The following ASIC2 variants were observed in gnomAD, a reference collection of about 807,000 sequenced individuals.
The protein encoded by ASIC2 is acid-sensing ion channel 2.
A neutral mutation model predicts 57.3 loss-of-function variants in ASIC2; 25 were observed. That is an observed-to-expected ratio of 0.44 (90% CI 0.32 to 0.61). ASIC2 has a LOEUF of 0.61. ASIC2 is among the 20% of genes least tolerant of loss of function. ASIC2 has a pLI of 0.06. For missense variants in ASIC2, 641 were observed against 738.1 expected, an observed-to-expected ratio of 0.87 and a Z score of 1.52; for synonymous variants, 319 against 307.5, an observed-to-expected ratio of 1.04 and a Z score of -0.39.
At chr17:33,717,150 C>G (rs553839779) in intron 1 of ASIC2, among the ~76,000 whole-genome samples, 33 of 152,218 alleles carry the variant, frequency 2.2e-4, no homozygotes, top group African/African-American at 7.5e-4. Context: ...ATTCACACTT[C>G]AAAAAATATG....
intron 1 of ASIC2, among the ~76,000 whole-genome samples, chr17:34,060,788 AACAAAG>A (rs1356532759): frequency 1.3e-5 from 2 of 152,184 alleles, no homozygotes; most frequent in Non-Finnish European, 2.9e-5. Flanking sequence ...AACCCATTTC[AACAAAG>A]ACAAAGAGAA....
chr17:34,000,304 T>A (rs1446904499), intron 1 of ASIC2, among the ~76,000 whole-genome samples: 1 of 148,352 alleles, frequency 6.7e-6, no homozygotes, highest in Non-Finnish European at 1.5e-5. Context: ...CAGGCTGGAG[T>A]GCAATGGTGC....
At chr17:34,116,746 T>C (rs989252542) in intron 1 of ASIC2, among the ~76,000 whole-genome samples, 21 of 152,298 alleles carry the variant, frequency 1.4e-4, no homozygotes, top group Admixed American at 3.3e-4. Context: ...GGGTAGCATT[T>C]CCCATGGCAT....
chr17:33,596,669 CT>C, intron 1 of ASIC2, among the ~76,000 whole-genome samples: 1 of 152,282 alleles, frequency 6.6e-6, no homozygotes, highest in East Asian at 1.9e-4. Flanking sequence ...ATTCTCCCTC[CT>C]TTTTTCTCTC....
chr17:33,142,137 T>G (rs1904341134), intron 1 of ASIC2, among the ~76,000 whole-genome samples: 1 of 152,216 alleles, frequency 6.6e-6, no homozygotes, highest in Non-Finnish European at 1.5e-5. Context: ...TGGCACATTC[T>G]GAGAGCTCCA....
chr17:33,420,183 C>T (rs535359097), intron 1 of ASIC2, among the ~76,000 whole-genome samples: 16 of 152,194 alleles, frequency 1.1e-4, no homozygotes, highest in Admixed American at 7.2e-4. Context: ...CTTCTCATTG[C>T]CCCAGATATT....
chr17:34,144,341 G>C (rs1912357526), intron 1 of ASIC2, among the ~76,000 whole-genome samples: 1 of 152,154 alleles, frequency 6.6e-6, no homozygotes, highest in Non-Finnish European at 1.5e-5. Context: ...CATGTCTATA[G>C]TAGCTTAGGC....
intron 1 of ASIC2, among the ~76,000 whole-genome samples, chr17:33,395,928 T>C (rs867423809): frequency 2.6e-5 from 4 of 152,324 alleles, no homozygotes; most frequent in Middle Eastern, 6.8e-3. Context: ...GTGGGGATGA[T>C]TGAATAAGCA....
At chr17:33,141,996 C>G (rs906656667) in intron 1 of ASIC2, among the ~76,000 whole-genome samples, 1 of 152,002 alleles carries the variant, frequency 6.6e-6, no homozygotes, top group Non-Finnish European at 1.5e-5. Flanking sequence ...GTTTGCAGAC[C>G]CTATTGGCAT....
At chr17:33,426,924 G>A (rs758519355) in intron 1 of ASIC2, among the ~76,000 whole-genome samples, 9 of 152,194 alleles carry the variant, frequency 5.9e-5, no homozygotes, top group South Asian at 2.1e-4. Context: ...TTGAGGAAGC[G>A]ACTTATAGCT....
chr17:33,835,990 G>A (rs1254036266), intron 1 of ASIC2, among the ~76,000 whole-genome samples: 1 of 150,446 alleles, frequency 6.6e-6, no homozygotes, highest in East Asian at 1.9e-4. Context: ...TAACATTTTA[G>A]AGGCTAATAA....
chr17:33,991,268 C>G (rs1292379236), intron 1 of ASIC2, among the ~76,000 whole-genome samples: 3 of 152,164 alleles, frequency 2.0e-5, no homozygotes, highest in Admixed American at 6.5e-5. Flanking sequence ...TCAAACCCCT[C>G]TTTTGCTTTA....
chr17:33,994,874 G>C (rs1906107222), intron 1 of ASIC2, among the ~76,000 whole-genome samples: 1 of 152,106 alleles, frequency 6.6e-6, no homozygotes, highest in East Asian at 1.9e-4. Flanking sequence ...TGAAGGATTG[G>C]GGACAATGCA....
intron 1 of ASIC2, among the ~76,000 whole-genome samples, chr17:33,618,602 G>A (rs1318314833): frequency 6.6e-6 from 1 of 152,180 alleles, no homozygotes; most frequent in Non-Finnish European, 1.5e-5. Flanking sequence ...CCTCATCCAT[G>A]TATCTGAATG....
Position 34,039,416 on chromosome 17 carries a change from T to A in ASIC2, c.555+116562A>T, listed in dbSNP as rs1908013942. On this transcript the variant is annotated intron_variant, in intron 1 of 9. Coordinates refer to the ASIC2 transcript ENST00000359872. ...GTGTCAAGCCGAGGTTTTGCTAGCA[T>A]CACTGACATGAGGGTTGGCAGAGCA... is the stretch of plus-strand genomic sequence containing the variant. 12 of 1,613,744 alleles carry A rather than the reference T, an allele frequency of 7.4e-6. No homozygotes were observed. In the South Asian group the frequency reaches 1.2e-4, roughly 16 times the overall value.
intron 1 of ASIC2, among the ~76,000 whole-genome samples, chr17:33,266,409 G>A (rs1909460372): frequency 6.6e-6 from 1 of 152,192 alleles, no homozygotes; most frequent in Non-Finnish European, 1.5e-5. Flanking sequence ...AACTATTTGT[G>A]ATGAATGAAA....
intron 1 of ASIC2, among the ~76,000 whole-genome samples, chr17:33,471,145 A>G (rs1307585742): frequency 6.6e-6 from 1 of 152,192 alleles, no homozygotes; most frequent in Non-Finnish European, 1.5e-5. Flanking sequence ...GCTTTGGCTC[A>G]CGTTTGTCCT....
chr17:33,871,905 A>T (rs1275172633), intron 1 of ASIC2, among the ~76,000 whole-genome samples: 1 of 152,034 alleles, frequency 6.6e-6, no homozygotes. Context: ...TTTTGGGCTG[A>T]GTCACACTCT....
At chr17:33,664,458 T>C (rs1907404155) in intron 1 of ASIC2, among the ~76,000 whole-genome samples, 3 of 152,216 alleles carry the variant, frequency 2.0e-5, no homozygotes. Context: ...GTTTCCAAAG[T>C]GGAGTATACA....
Sources: allele counts gnomAD v4.1 joint callset (sites outside exome capture counted in the v4.1 genomes callset), GRCh38; gene constraint gnomAD v4.1.1; transcripts MANE v1.5; gene names NCBI Gene and HGNC (gene_info 2026-07-23, HGNC 2026-07-21).